VPS13B: variants seen among roughly 807,000 people sequenced by gnomAD.
The protein encoded by VPS13B is intermembrane lipid transfer protein VPS13B.
Under a neutral mutation model 426.4 loss-of-function variants are expected in VPS13B, and 285 were observed. The observed-to-expected ratio is 0.67, with a 90% confidence interval of 0.61 to 0.74. The LOEUF (loss-of-function observed/expected upper bound fraction) is 0.74. Ranked by LOEUF, VPS13B falls within the 30% of genes least tolerant of loss-of-function variation. VPS13B has a pLI of 0.00. For missense variants in VPS13B, 4,537 were observed against 4,782.6 expected, an observed-to-expected ratio of 0.95 and a Z score of 1.51; for synonymous variants, 1,676 against 1,676.4, an observed-to-expected ratio of 1.00 and a Z score of 0.01.
rs868860127 is a variant in VPS13B at position 99,568,410 on chromosome 8, C to G, written c.4950-7248C>G. 2.0e-5 allele frequency among the ~76,000 whole-genome samples: 3 copies of G among 151,956 alleles called. 1 individual carries two copies. The Middle Eastern group carries it at 0.01, about 517-fold the overall frequency. Reference sequence around the variant, plus strand: ...GGTTCAAGCGATTCTCTTGCCTCAGCCTCCGAAGTAGCTGGGACTACAGGC... The same window carrying G: ...GGTTCAAGCGATTCTCTTGCCTCAGGCTCCGAAGTAGCTGGGACTACAGGC... On this transcript the variant is annotated intron_variant, in intron 31 of 61. Transcript: ENST00000357162.
intron 50 of VPS13B, 152 bp downstream of exon 50, chr8:99,821,634 CCT>C (rs1398539604): frequency 2.1e-6 from 2 of 947,512 alleles, no homozygotes; most frequent in Admixed American, 4.3e-5. Context: ...ACTTCTTAGA[CCT>C]CTGTTTTACA....
intron 16 of VPS13B, among the ~76,000 whole-genome samples, chr8:99,179,873 A>T (rs1389648110): frequency 6.6e-6 from 1 of 151,900 alleles, no homozygotes; most frequent in Non-Finnish European, 1.5e-5. Context: ...TAGATTGTAT[A>T]CTTTTTTGAC....
intron 39 of VPS13B, among the ~76,000 whole-genome samples, chr8:99,745,240 A>C (rs970619266): frequency 2.0e-5 from 3 of 152,002 alleles, no homozygotes; most frequent in African/African-American, 7.2e-5. Flanking sequence ...ATTTTTTTGG[A>C]AGTTTCTTGT....
intron 30 of VPS13B, chr8:99,536,885 A>AG: frequency 2.1e-6 from 1 of 469,222 alleles, no homozygotes; most frequent in Non-Finnish European, 4.4e-6. Flanking sequence ...TCCAAAAACT[A>AG]GGGAAAAAAA....
intron 3 of VPS13B, among the ~76,000 whole-genome samples, chr8:99,069,967 A>T (rs1844770739): frequency 6.6e-6 from 1 of 152,246 alleles, no homozygotes; most frequent in African/African-American, 2.4e-5. Context: ...GTGGTGGCAC[A>T]GTCACAGATC....
chr8:99,382,879 T>A (rs1813894986), intron 19 of VPS13B, among the ~76,000 whole-genome samples: 2 of 152,162 alleles, frequency 1.3e-5, no homozygotes, highest in Admixed American at 6.6e-5. Flanking sequence ...AGAGAGGGCA[T>A]CTTGTTTTGT....
At chr8:99,717,798 C>T (rs539321350) in intron 37 of VPS13B, among the ~76,000 whole-genome samples, 1 of 152,238 alleles carries the variant, frequency 6.6e-6, no homozygotes, top group South Asian at 2.1e-4. Flanking sequence ...CTTCTGTGAC[C>T]GACTTCTTTC....
chr8:99,191,891 G>T (rs754382729), intron 16 of VPS13B, among the ~76,000 whole-genome samples: 1 of 152,082 alleles, frequency 6.6e-6, no homozygotes, highest in African/African-American at 2.4e-5. Flanking sequence ...CCATAGCAGC[G>T]GCCAGAATAT....
At chr8:99,444,537 T>C (rs1817821259) in intron 23 of VPS13B, among the ~76,000 whole-genome samples, 1 of 152,222 alleles carries the variant, frequency 6.6e-6, no homozygotes, top group Non-Finnish European at 1.5e-5. Context: ...TTATTTTTAC[T>C]ATAAAAATAG....
chr8:99,532,192 C>T (rs180960954), intron 30 of VPS13B, among the ~76,000 whole-genome samples: 1 of 152,162 alleles, frequency 6.6e-6, no homozygotes, highest in Admixed American at 6.5e-5. Flanking sequence ...CTAATTATTC[C>T]ATAGCTCCTT....
intron 36 of VPS13B, among the ~76,000 whole-genome samples, chr8:99,708,788 T>C (rs1342410873): frequency 1.3e-5 from 2 of 152,212 alleles, no homozygotes; most frequent in East Asian, 3.9e-4. Context: ...TTTCTTCCTG[T>C]ATTTTAGTTT....
At chr8:99,093,777 C>A (rs531448637) in intron 3 of VPS13B, among the ~76,000 whole-genome samples, 85 of 152,168 alleles carry the variant, frequency 5.6e-4, no homozygotes, top group Non-Finnish European at 1.1e-3. Context: ...TCCAGTCTAT[C>A]ATTGTTGGAC....
chr8:99,340,554 C>T, intron 19 of VPS13B: 1 of 467,236 alleles, frequency 2.1e-6, no homozygotes, highest in East Asian at 6.0e-5. Context: ...GTCTGGTCAC[C>T]TGGGTGGTAA....
At position 99,135,661 on chromosome 8, in the gene VPS13B, A is replaced by G. The variant is rs374276141; in HGVS notation, c.1491A>G (p.Ser497=). The change falls in exon 11 of 62, where the codon TCA becomes TCG. Residue 497 remains serine, a synonymous_variant. Transcript: ENST00000357162. ...AAGGTTTCACATACCTTACAAATTC[A>G]TTGTTTGATTACCGAAGCCCAGAAA... ...STKGFTYLTN[S]LFDYRSPENN... 1.9e-6 allele frequency: 3 copies of G among 1,613,370 alleles called. No homozygotes were observed. The highest frequency in any genetic ancestry group is 2.2e-5 in the South Asian group (2 of 91,072).
At chr8:99,201,106 C>A (rs1367303403) in intron 17 of VPS13B, among the ~76,000 whole-genome samples, 2 of 151,478 alleles carry the variant, frequency 1.3e-5, no homozygotes, top group Non-Finnish European at 2.9e-5. Context: ...TTTTTCTTTC[C>A]TTTCTCTGTT....
intron 19 of VPS13B, among the ~76,000 whole-genome samples, chr8:99,376,221 G>A (rs1275066419): frequency 1.3e-5 from 2 of 152,164 alleles, no homozygotes; most frequent in Admixed American, 1.3e-4. Context: ...TATGGTGGAT[G>A]TGGTCTGTGT....
rs140341971 is a variant in VPS13B at position 99,364,810 on chromosome 8, G to A, written c.2825-19398G>A. ...CTTGCCTCGTAGAATGAGTTTGGAA[G>A]TATTACCTTCTCTATTATTGAAAAT... On this transcript the variant is annotated intron_variant, in intron 19 of 61. Transcript: ENST00000357162. Among the ~76,000 whole-genome samples, 100 of 152,264 alleles carry A rather than the reference G, an allele frequency of 6.6e-4. No individual in the cohort carries two copies. In the East Asian group the frequency reaches 0.017, roughly 26 times the overall value.
intron 39 of VPS13B, among the ~76,000 whole-genome samples, chr8:99,756,680 T>C (rs1003792945): frequency 6.6e-6 from 1 of 152,194 alleles, no homozygotes; most frequent in Admixed American, 6.5e-5. Context: ...TGAGATGACA[T>C]ATTCAAAGTG....
chr8:99,097,608 A>T (rs1846497810), intron 4 of VPS13B, among the ~76,000 whole-genome samples: 1 of 152,164 alleles, frequency 6.6e-6, no homozygotes, highest in Non-Finnish European at 1.5e-5. Flanking sequence ...CACACACATG[A>T]AACAGAGGCA....
Sources: allele counts gnomAD v4.1 joint callset (sites outside exome capture counted in the v4.1 genomes callset), GRCh38; gene constraint gnomAD v4.1.1; transcripts MANE v1.5; gene names NCBI Gene and HGNC (gene_info 2026-07-23, HGNC 2026-07-21).